NR4A1: variants seen among roughly 807,000 people sequenced by gnomAD.
NR4A1 encodes the protein nuclear receptor subfamily 4immunitygroup A member 1.
A neutral mutation model predicts 47.5 loss-of-function variants in NR4A1; 24 were observed. The observed-to-expected ratio is 0.50, with a 90% CI of 0.37 to 0.71. The LOEUF (loss-of-function observed/expected upper bound fraction) is 0.71. NR4A1 is among the 30% of genes least tolerant of loss of function. The probability of loss-of-function intolerance (pLI) is 0.00; values close to 1 mark genes in which losing one functional copy is unlikely to be tolerated. For synonymous variants in NR4A1, 353 were observed against 345.7 expected, an observed-to-expected ratio of 1.02 and a Z score of -0.24; for missense variants, 669 against 788.6, an observed-to-expected ratio of 0.85 and a Z score of 1.82.
intron 1 of NR4A1, among the ~76,000 whole-genome samples, chr12:52,034,711 G>A (rs1167914791): frequency 6.6e-6 from 1 of 152,184 alleles, no homozygotes; most frequent in Non-Finnish European, 1.5e-5. Context: ...GACGTTTACT[G>A]GACATTTGTA....
At position 52,055,102 on chromosome 12, in the gene NR4A1, G is replaced by A; in HGVS notation, c.774G>A (p.Gly258=). Residue 258 remains glycine (G), a synonymous_variant, in exon 2 of 7, where the codon GGG becomes GGA. Transcript: ENST00000394825. ...TGACCTCAACCAAGGCCCGGAGCGGGGCCCCAGGTGGAAGTGAAGGCCGCT... is the reference window on the plus strand; with the variant it reads ...TGACCTCAACCAAGGCCCGGAGCGGAGCCCCAGGTGGAAGTGAAGGCCGCT... ...TPVTSTKARS[G]APGGSEGRCA... 1 of 1,614,244 alleles carries A rather than the reference G, an allele frequency of 6.2e-7. No homozygotes were observed. The highest frequency in any genetic ancestry group is 8.5e-7 in the Non-Finnish European group (1 of 1,180,056).
intron 1 of NR4A1, among the ~76,000 whole-genome samples, chr12:52,036,469 A>T (rs1938238463): frequency 6.6e-6 from 1 of 152,172 alleles, no homozygotes; most frequent in South Asian, 2.1e-4. Context: ...TGACAGCCAG[A>T]TATGGTGGAT....
intron 2 of NR4A1, among the ~76,000 whole-genome samples, chr12:52,042,694 C>T (rs940839519): frequency 5.9e-5 from 9 of 152,246 alleles, no homozygotes; most frequent in Admixed American, 1.3e-4. Flanking sequence ...AGGGTGCTTC[C>T]GGAGAAGGCC....
chr12:52,031,997 T>C (rs2098689099), intron 1 of NR4A1, among the ~76,000 whole-genome samples: 1 of 152,084 alleles, frequency 6.6e-6, no homozygotes, highest in Non-Finnish European at 1.5e-5. Flanking sequence ...GGTTTCACCA[T>C]GTTGGTCAGG....
rs55955894 is a variant in NR4A1 at position 52,052,307 on chromosome 12, G to A, written c.-3+739G>A. 9.0e-3 allele frequency among the ~76,000 whole-genome samples: 1,244 copies of A among 138,144 alleles called. 17 individuals carry two copies. Among genetic ancestry groups the A allele is most frequent in the East Asian group, 0.072 (350 of 4,866 alleles). 90.6% of individuals were successfully genotyped at this position (138,144 alleles called of 152,430 possible). A position where few individuals can be genotyped will look rare whatever the true frequency, so the allele number is the denominator to read the frequency against. On this transcript the variant is annotated intron_variant, in intron 1 of 6. Transcript: ENST00000394825. ...TGTGTGTGTGTGTGTGTGTGTGTGA[G>A]AGAGAGAGAGAGAGAGAGAGAAAGA...
chr12:52,029,688 A>AAAAAC (rs1938076239), intron 1 of NR4A1, among the ~76,000 whole-genome samples: 1 of 151,580 alleles, frequency 6.6e-6, no homozygotes, highest in Non-Finnish European at 1.5e-5. Flanking sequence ...ACCCTGTCTC[A>AAAAAC]AAAAACAAAA....
At chr12:52,056,400 G>A (rs1592308009) in intron 3 of NR4A1, 94 bp from the exon 4 acceptor site, 5 of 1,521,222 alleles carry the variant, frequency 3.3e-6, no homozygotes, top group Non-Finnish European at 3.5e-6. Context: ...CTAGGGACTC[G>A]GTGGGGCGCG....
chr12:52,034,334 T>G (rs1484320287), intron 1 of NR4A1, among the ~76,000 whole-genome samples: 1 of 152,224 alleles, frequency 6.6e-6, no homozygotes, highest in Non-Finnish European at 1.5e-5. Flanking sequence ...TCCATACCTA[T>G]TCTTGTGTCC....
chr12:52,037,099 T>A (rs1938261426), intron 1 of NR4A1: 1 of 147,402 alleles, frequency 6.8e-6, no homozygotes, highest in African/African-American at 2.5e-5. Context: ...TCCGGAGACG[T>A]CAATGGGCAC....
intron 1 of NR4A1, among the ~76,000 whole-genome samples, chr12:52,032,904 T>C (rs1938156758): frequency 6.6e-6 from 1 of 152,204 alleles, no homozygotes; most frequent in South Asian, 2.1e-4. Context: ...AAACCAGCAC[T>C]CTACAGATTT....
chr12:52,046,384 G>T (rs1454024913), intron 2 of NR4A1, among the ~76,000 whole-genome samples: 1 of 152,128 alleles, frequency 6.6e-6, no homozygotes, highest in East Asian at 1.9e-4. Context: ...GGTCGGTGAG[G>T]GATGGGTCTG....
chr12:52,047,118 C>A (rs982662145), upstream of NR4A1, among the ~76,000 whole-genome samples: 4 of 152,126 alleles, frequency 2.6e-5, no homozygotes, highest in African/African-American at 4.8e-5. Flanking sequence ...ACCTCCAGGT[C>A]CCTGTCTCTA....
At position 52,054,646 on chromosome 12, in the gene NR4A1, C is replaced by T; in HGVS notation, c.318C>T (p.Phe106=). ...CTGCCTCCTTCAAGTTCGAGGACTTCCAGGTGTACGGCTGCTACCCCGGCC... is the reference window on the plus strand; with the variant it reads ...CTGCCTCCTTCAAGTTCGAGGACTTTCAGGTGTACGGCTGCTACCCCGGCC... The part of the protein sequence containing the change: ...PASASFKFED[F]QVYGCYPGPL... Residue 106 remains phenylalanine, a synonymous_variant, in exon 2 of 7, where the codon TTC becomes TTT. Coordinates refer to ENST00000394825, the MANE Select transcript of NR4A1 (RefSeq NM_173157.3). The T allele has an allele frequency of 6.2e-7, 1 of 1,614,170 alleles. No homozygotes were observed. Among genetic ancestry groups the T allele is most frequent in the Non-Finnish European group, 8.5e-7 (1 of 1,180,024 alleles).
intron 1 of NR4A1, among the ~76,000 whole-genome samples, chr12:52,036,801 G>GTA (rs1365614380): frequency 1.3e-5 from 2 of 152,156 alleles, no homozygotes; most frequent in Non-Finnish European, 2.9e-5. Flanking sequence ...CCGAATCGCT[G>GTA]TGACTTTGGA....
chr12:52,036,096 C>A (rs1405461815), intron 1 of NR4A1, among the ~76,000 whole-genome samples: 1 of 152,184 alleles, frequency 6.6e-6, no homozygotes. Context: ...ACCCCCAACC[C>A]CACCCAGCCA....
rs767305762 is a variant in NR4A1 at position 52,056,529 on chromosome 12, C to T, written c.1042C>T (p.Arg348Trp). The T allele has an allele frequency of 3.7e-6, 6 of 1,613,406 alleles. No homozygotes were observed. The highest frequency in any genetic ancestry group is 1.3e-5 in the African/African-American group (1 of 74,848). Reference protein sequence around the residue: ...RTDSLKGRRGRLPSKPKQPPD... With the variant: ...RTDSLKGRRGWLPSKPKQPPD... ...AGACAGCCTGAAGGGGCGGCGGGGC[C>T]GGCTACCTTCAAAACCCAAGCAGCC... The change falls in exon 4 of 7, where the codon CGG becomes TGG. Residue 348 changes from arginine to tryptophan, a missense_variant. Physicochemically the swap from Arg to Trp is moderately radical, Grantham distance 101. Transcript: ENST00000394825.
upstream of NR4A1, among the ~76,000 whole-genome samples, chr12:52,047,616 A>G (rs1227755447): frequency 3.3e-5 from 5 of 152,224 alleles, no homozygotes. Flanking sequence ...TTGGGGCAGC[A>G]GGACTGCAGC....
chr12:52,058,541 T>C, intron 6 of NR4A1, 147 bp from the exon 7 acceptor site: 1 of 1,046,072 alleles, frequency 9.6e-7, no homozygotes, highest in Non-Finnish European at 1.3e-6. Flanking sequence ...CGATGCTTAC[T>C]AATGGCCAAC....
chr12:52,033,581 C>A (rs1938176656), intron 1 of NR4A1, among the ~76,000 whole-genome samples: 1 of 152,204 alleles, frequency 6.6e-6, no homozygotes, highest in South Asian at 2.1e-4. Flanking sequence ...TCCATGGCAA[C>A]TAAGTAGAGC....
Sources: gnomAD v4.1 joint callset for allele counts (sites outside exome capture counted in the v4.1 genomes callset) on GRCh38, gnomAD v4.1.1 for gene constraint, MANE v1.5 for transcripts, NCBI Gene and HGNC (gene_info 2026-07-23, HGNC 2026-07-21) for gene names.